The following COL26A1 variants were observed in gnomAD, a reference collection of about 807,000 sequenced individuals.
COL26A1 encodes the protein collagen alpha-1(XXVI) chain.
COL26A1 carries 41 observed loss-of-function variants against 59.3 expected under a neutral mutation model. The ratio of observed to expected loss-of-function variants is 0.69; its 90% CI spans 0.54 to 0.90. The LOEUF (loss-of-function observed/expected upper bound fraction) is 0.90, where lower values mean the gene tolerates loss of function less well. Ranked by LOEUF, COL26A1 falls within the 40% of genes least tolerant of loss-of-function variation. The pLI, the probability that COL26A1 is intolerant of heterozygous loss-of-function variation, is 0.00. For synonymous variants in COL26A1, 266 were observed against 256.0 expected, an observed-to-expected ratio of 1.04 and a Z score of -0.37; for missense variants, 612 against 602.3, an observed-to-expected ratio of 1.02 and a Z score of -0.17.
intron 1 of COL26A1, among the ~76,000 whole-genome samples, chr7:101,376,018 AG>A (rs1271826948): frequency 6.7e-6 from 1 of 149,074 alleles, no homozygotes; most frequent in Admixed American, 6.7e-5. Context: ...AAAATTAGCC[AG>A]GCACGGTGAT....
intron 1 of COL26A1, among the ~76,000 whole-genome samples, chr7:101,413,460 A>G (rs1792291407): frequency 6.6e-6 from 1 of 152,048 alleles, no homozygotes; most frequent in Non-Finnish European, 1.5e-5. Flanking sequence ...CGGAGGCTGT[A>G]ATGAGCTGAG....
At chr7:101,404,279 A>G (rs1792077737) in intron 1 of COL26A1, among the ~76,000 whole-genome samples, 1 of 152,152 alleles carries the variant, frequency 6.6e-6, no homozygotes, top group Admixed American at 6.5e-5. Flanking sequence ...GTGAAATCTT[A>G]AGTGACCTGG....
At chr7:101,524,136 T>G (rs1795192739) in intron 3 of COL26A1, among the ~76,000 whole-genome samples, 1 of 151,694 alleles carries the variant, frequency 6.6e-6, no homozygotes, top group Admixed American at 6.6e-5. Context: ...CCGGGCATGG[T>G]GGTGGGTGGC....
At chr7:101,533,696 C>T (rs920874999) in intron 4 of COL26A1, among the ~76,000 whole-genome samples, 8 of 152,200 alleles carry the variant, frequency 5.3e-5, no homozygotes, top group Admixed American at 3.3e-4. Flanking sequence ...ATGCCCAGTA[C>T]AGGTGTGTTC....
At chr7:101,410,780 C>T (rs548595480) in intron 1 of COL26A1, among the ~76,000 whole-genome samples, 27 of 152,250 alleles carry the variant, frequency 1.8e-4, no homozygotes, top group Admixed American at 1.8e-3. Flanking sequence ...TCATTACAAC[C>T]TCTGCCTCCT....
intron 3 of COL26A1, among the ~76,000 whole-genome samples, chr7:101,456,527 G>A (rs958998284): frequency 6.6e-6 from 1 of 152,084 alleles, no homozygotes; most frequent in East Asian, 1.9e-4. Context: ...AGCCGGTCGT[G>A]GTGGCACATG....
At chr7:101,486,351 T>G (rs1335504014) in intron 3 of COL26A1, among the ~76,000 whole-genome samples, 1 of 152,172 alleles carries the variant, frequency 6.6e-6, no homozygotes, top group Non-Finnish European at 1.5e-5. Flanking sequence ...CCTGAGGCTG[T>G]CCGTGTCATA....
chr7:101,529,416 C>G (rs1336121316), intron 3 of COL26A1, among the ~76,000 whole-genome samples: 1 of 151,980 alleles, frequency 6.6e-6, no homozygotes, highest in Non-Finnish European at 1.5e-5. Flanking sequence ...TTTTAGGCAT[C>G]TGCCACCACA....
chr7:101,443,699 G>A (rs1793115842), intron 2 of COL26A1, among the ~76,000 whole-genome samples: 1 of 152,014 alleles, frequency 6.6e-6, no homozygotes, highest in African/African-American at 2.4e-5. Context: ...TTATATTCGC[G>A]ATTCTTGGAG....
At chr7:101,411,138 C>T (rs563985066) in intron 1 of COL26A1, among the ~76,000 whole-genome samples, 6 of 152,312 alleles carry the variant, frequency 3.9e-5, no homozygotes, top group African/African-American at 9.6e-5. Flanking sequence ...CAGCCCAGAG[C>T]AGCTGCTGTG....
rs1793000250 is a variant in COL26A1 at position 101,439,567 on chromosome 7, A to AAAAAAAAAAAAAAG, written c.282-8117_282-8116insAAAAAAAAAAAAAG. Among the ~76,000 whole-genome samples the AAAAAAAAAAAAAAG allele has an allele frequency of 2.0e-5, 3 of 149,646 alleles. 1 individual carries two copies. The highest frequency in any genetic ancestry group is 4.9e-5 in the African/African-American group (2 of 40,842). ...AGACTCCGTCTGAAAAAAAAAAAAA[A>AAAAAAAAAAAAAAG]GAGGTAAGGAAACTGGTGTGCTGGA... is the stretch of plus-strand genomic sequence containing the variant. On this transcript the variant is annotated intron_variant, in intron 2 of 12. Coordinates refer to ENST00000313669, the MANE Select transcript of COL26A1 (RefSeq NM_001278563.3).
At chr7:101,380,377 C>A (rs982111359) in intron 1 of COL26A1, among the ~76,000 whole-genome samples, 48 of 151,072 alleles carry the variant, frequency 3.2e-4, no homozygotes, top group African/African-American at 1.1e-3. Context: ...CTACTGCAAC[C>A]TCTGCCTTTC....
At chr7:101,516,655 A>C (rs138553507) in intron 3 of COL26A1, among the ~76,000 whole-genome samples, 2 of 152,246 alleles carry the variant, frequency 1.3e-5, no homozygotes, top group Non-Finnish European at 2.9e-5. Flanking sequence ...TAACCAGTTC[A>C]GGGGCCCAGG....
chr7:101,408,272 C>A (rs1482291188), intron 1 of COL26A1, among the ~76,000 whole-genome samples: 1 of 152,136 alleles, frequency 6.6e-6, no homozygotes, highest in Non-Finnish European at 1.5e-5. Flanking sequence ...AGACGAGCCT[C>A]CATATAGGCC....
chr7:101,485,253 C>T lies in COL26A1; in HGVS notation c.385+37466C>T, dbSNP rs556941454. ...GGCCAGAGGTCAGCTCTGCACACGC[C>T]GGTGCTGAGAGGTGATGCTGCCTCA... is the stretch of plus-strand genomic sequence containing the variant. On this transcript the variant is annotated intron_variant, in intron 3 of 12. Transcript: ENST00000313669. Among the ~76,000 whole-genome samples, 12 of 152,310 alleles carry T rather than the reference C, an allele frequency of 7.9e-5. No homozygotes were observed. The South Asian group carries it at 1.9e-3, about 24-fold the overall frequency.
chr7:101,527,397 G>A (rs1370950487), intron 3 of COL26A1, among the ~76,000 whole-genome samples: 3 of 151,386 alleles, frequency 2.0e-5, no homozygotes, highest in South Asian at 4.2e-4. Flanking sequence ...GCACGATCTC[G>A]GCTCACTGAA....
At position 101,385,739 on chromosome 7, in the gene COL26A1, C is replaced by G. The variant is rs547550834; in HGVS notation, c.158+22549C>G. On this transcript the variant is annotated intron_variant, in intron 1 of 12. Transcript: ENST00000313669. ...GTTTATTTGTTTTTTGAGTCTCACT[C>G]TGTCGCCCAGGTTGGAGTGCAGTGG... Among the ~76,000 whole-genome samples, 20 of 151,948 alleles carry G rather than the reference C, an allele frequency of 1.3e-4. No individual in the cohort carries two copies. In the South Asian group the frequency reaches 3.1e-3, roughly 24 times the overall value.
At chr7:101,550,800 T>C (rs1023576715) in intron 9 of COL26A1, among the ~76,000 whole-genome samples, 3 of 151,302 alleles carry the variant, frequency 2.0e-5, no homozygotes, top group Non-Finnish European at 4.4e-5. Flanking sequence ...GCTGTTAGTA[T>C]CACTAGTTCT....
At chr7:101,476,691 GC>G (rs1794055366) in intron 3 of COL26A1, among the ~76,000 whole-genome samples, 2 of 151,606 alleles carry the variant, frequency 1.3e-5, no homozygotes, top group Admixed American at 1.3e-4. Context: ...GGGACTACAG[GC>G]GCCCGCCACC....
Sources: allele counts gnomAD v4.1 joint callset (sites outside exome capture counted in the v4.1 genomes callset), GRCh38; gene constraint gnomAD v4.1.1; transcripts MANE v1.5; gene names NCBI Gene and HGNC (gene_info 2026-07-23, HGNC 2026-07-21).